APBA1: variants seen among roughly 807,000 people sequenced by gnomAD.
The protein encoded by APBA1 is amyloid-beta A4 precursor protein-binding family A member 1.
APBA1 carries 55 observed loss-of-function variants against 86.6 expected under a neutral mutation model. The observed-to-expected ratio is 0.64, with a 90% CI of 0.51 to 0.80. The LOEUF (loss-of-function observed/expected upper bound fraction) is 0.80, where lower values mean the gene tolerates loss of function less well. Among genes scored for constraint, APBA1 ranks in the 30% least tolerant of loss-of-function variants. APBA1 has a pLI of 0.00. For synonymous variants in APBA1, 511 were observed against 493.9 expected, an observed-to-expected ratio of 1.03 and a Z score of -0.46; for missense variants, 1,090 against 1,183.0, an observed-to-expected ratio of 0.92 and a Z score of 1.15.
chr9:69,442,470 T>G (rs1834840310), intron 10 of APBA1, among the ~76,000 whole-genome samples: 1 of 149,160 alleles, frequency 6.7e-6, no homozygotes, highest in Non-Finnish European at 1.5e-5. Context: ...AACTGTGGGG[T>G]GGGTGGGAGG....
rs187461658 is a variant in APBA1, at chr9:69,619,262, T to C, written c.-70+52891A>G. Reference sequence around the variant, plus strand: ...CATTCATGAAAATGACCCCATAATATACAGATTACTTTGAAAACACACTCT... The same window carrying C: ...CATTCATGAAAATGACCCCATAATACACAGATTACTTTGAAAACACACTCT... On this transcript the variant is annotated intron_variant, in intron 1 of 12. Transcript: ENST00000265381. Among the ~76,000 whole-genome samples the C allele has an allele frequency of 4.6e-3, 695 of 152,270 alleles. 7 individuals are homozygous for C. Among genetic ancestry groups the C allele is most frequent in the African/African-American group, 0.016 (667 of 41,548 alleles).
In APBA1 at chr9:69,641,906, C is replaced by T. The variant is rs1266192727; in HGVS notation, c.-70+30247G>A. 5.9e-5 allele frequency among the ~76,000 whole-genome samples: 9 copies of T among 152,238 alleles called. No individual in the cohort carries two copies. In the South Asian group the frequency reaches 1.0e-3, roughly 18 times the overall value. The stretch of plus-strand genomic sequence containing the variant: ...TGTCATCCAGGCTGGAGTGCCGTGG[C>T]GTGATCTCGGCTCACTGCAACTTCC... On this transcript the variant is annotated intron_variant, in intron 1 of 12. Coordinates refer to ENST00000265381, the MANE Select transcript of APBA1 (RefSeq NM_001163.4).
Position 69,516,140 on chromosome 9 carries a change from G to A in APBA1, c.1071C>T (p.Ile357=). 3.1e-6 allele frequency: 5 copies of A among 1,613,390 alleles called. No homozygotes were observed. Among genetic ancestry groups the A allele is most frequent in the South Asian group, 2.2e-5 (2 of 91,044 alleles). The change falls in exon 2 of 13, where the codon ATC becomes ATT. Residue 357 remains isoleucine, a synonymous_variant. Coordinates refer to ENST00000265381, the MANE Select transcript of APBA1 (RefSeq NM_001163.4). This position sits in a 1 kb window ranked among gnomAD's most constrained non-coding sequence, Gnocchi z 7.3. ...GGATGGTCCTGGTTTTCACCTCCTCGATGGCCTCCTTGATGTCCTTGATGG... is the reference window on the plus strand; with the variant it reads ...GGATGGTCCTGGTTTTCACCTCCTCAATGGCCTCCTTGATGTCCTTGATGG... The part of the protein sequence containing the change: ...SLAIKDIKEA[I]EEVKTRTIRS...
intron 1 of APBA1, among the ~76,000 whole-genome samples, chr9:69,530,152 T>C (rs1394479193): frequency 6.6e-6 from 1 of 152,084 alleles, no homozygotes; most frequent in Non-Finnish European, 1.5e-5. Flanking sequence ...ATCCCATTAT[T>C]GGAAATCTAC....
At chr9:69,551,923 A>G (rs1477840208) in intron 1 of APBA1, among the ~76,000 whole-genome samples, 1 of 152,210 alleles carries the variant, frequency 6.6e-6, no homozygotes, top group African/African-American at 2.4e-5. Context: ...CCTACTCTGC[A>G]GAAGGCATGG....
chr9:69,650,891 A>G (rs1823485407), intron 1 of APBA1, among the ~76,000 whole-genome samples: 1 of 152,252 alleles, frequency 6.6e-6, no homozygotes, highest in Admixed American at 6.5e-5. Context: ...ACACATGCCC[A>G]TCCCTATGAC....
chr9:69,670,825 T>A (rs1823935373), intron 1 of APBA1, among the ~76,000 whole-genome samples: 1 of 152,146 alleles, frequency 6.6e-6, no homozygotes, highest in Non-Finnish European at 1.5e-5. Context: ...TGGGACCCCA[T>A]CGCTGTGGGT....
intron 1 of APBA1, among the ~76,000 whole-genome samples, chr9:69,550,035 A>G (rs1836760362): frequency 6.6e-6 from 1 of 152,220 alleles, no homozygotes; most frequent in Admixed American, 6.5e-5. Flanking sequence ...GAATAATACC[A>G]GTTCCACTTA....
intron 1 of APBA1, among the ~76,000 whole-genome samples, chr9:69,573,284 C>G (rs572418644): frequency 9.8e-4 from 148 of 151,326 alleles, no homozygotes; most frequent in African/African-American, 2.8e-3. Context: ...GAGTTTGAGA[C>G]CAGCCTGGGC....
intron 1 of APBA1, among the ~76,000 whole-genome samples, chr9:69,568,925 T>C (rs981285714): frequency 1.3e-5 from 2 of 152,198 alleles, no homozygotes; most frequent in Admixed American, 6.5e-5. Context: ...TTTAGAGGTA[T>C]ACGTGAGCCA....
intron 4 of APBA1, 127 bp downstream of exon 4, chr9:69,471,529 C>T (rs778919510): frequency 6.4e-6 from 5 of 781,734 alleles, no homozygotes; most frequent in Non-Finnish European, 1.1e-5. Context: ...AGACTGCTAA[C>T]ATTGTGAATA....
intron 1 of APBA1, among the ~76,000 whole-genome samples, chr9:69,540,122 GCAA>G (rs56405500): frequency 0.077 from 11,426 of 148,502 alleles, 497 homozygotes; most frequent in African/African-American, 0.11. Context: ...CTCCATCTCG[GCAA>G]CAACAACAAC....
intron 1 of APBA1, among the ~76,000 whole-genome samples, chr9:69,553,365 A>G (rs1836816805): frequency 6.6e-6 from 1 of 152,168 alleles, no homozygotes; most frequent in African/African-American, 2.4e-5. Flanking sequence ...TTCTCAGCCA[A>G]TACTTCCCCT....
chr9:69,671,544 C>CG (rs1823949047), intron 1 of APBA1, among the ~76,000 whole-genome samples: 1 of 152,150 alleles, frequency 6.6e-6, no homozygotes, highest in Non-Finnish European at 1.5e-5. Context: ...CAGTCTTAGC[C>CG]GGTGACATCA....
At position 69,604,101 on chromosome 9, in the gene APBA1, A is replaced by G. The variant is rs184947290; in HGVS notation, c.-70+68052T>C. Among the ~76,000 whole-genome samples, 26 of 152,384 alleles carry G rather than the reference A, an allele frequency of 1.7e-4. No individual in the cohort carries two copies. The East Asian group carries it at 3.3e-3, about 19-fold the overall frequency. On this transcript the variant is annotated intron_variant, in intron 1 of 12. Transcript: ENST00000265381. ...GTACAAAGCAGTGTATAGTGAGGACAAGTCTCAAATCAGTAAGTGTGAGTA... is the reference window on the plus strand; with the variant it reads ...GTACAAAGCAGTGTATAGTGAGGACGAGTCTCAAATCAGTAAGTGTGAGTA...
In APBA1 at chr9:69,475,371, C is replaced by T. The variant is rs145251371; in HGVS notation, c.1296+677G>A. ...TTCCTCAGTTACACTGGCCACATTT[C>T]CAGGGTTTGACAGGCACATGAGGCT... On this transcript the variant is annotated intron_variant, in intron 3 of 12. Transcript: ENST00000265381. Among the ~76,000 whole-genome samples the T allele has an allele frequency of 9.3e-3, 1,412 of 152,290 alleles. 26 individuals are homozygous for T. The highest frequency in any genetic ancestry group is 0.032 in the African/African-American group (1,341 of 41,564).
At chr9:69,527,013 T>C (rs1836353821) in intron 1 of APBA1, among the ~76,000 whole-genome samples, 1 of 152,032 alleles carries the variant, frequency 6.6e-6, no homozygotes, top group South Asian at 2.1e-4. Flanking sequence ...CACTTACAAG[T>C]GGGAGCTAAA....
At chr9:69,608,656 C>T (rs1822523287) in intron 1 of APBA1, among the ~76,000 whole-genome samples, 1 of 152,184 alleles carries the variant, frequency 6.6e-6, no homozygotes, top group Non-Finnish European at 1.5e-5. Flanking sequence ...AGAGGCCCCC[C>T]TTTGAGTCCC....
chr9:69,440,479 A>G (rs1301820836), intron 11 of APBA1, among the ~76,000 whole-genome samples: 1 of 151,702 alleles, frequency 6.6e-6, no homozygotes, highest in Non-Finnish European at 1.5e-5. Context: ...AGCCTGGGCA[A>G]TGGTGGGTGC....
Sources: gnomAD v4.1 joint callset for allele counts (sites outside exome capture counted in the v4.1 genomes callset) on GRCh38, gnomAD v4.1.1 for gene constraint, Gnocchi (gnomAD v3.1) non-coding constraint, MANE v1.5 for transcripts, NCBI Gene and HGNC (gene_info 2026-07-23, HGNC 2026-07-21) for gene names.